The following NEGR1 variants were observed in gnomAD, a reference collection of about 807,000 sequenced individuals.
NEGR1 encodes neuronal growth regulator 1, also known as IgLON family member 4.
NEGR1 carries 10 observed loss-of-function variants against 40.9 expected under a neutral mutation model. The observed-to-expected ratio is 0.24, with a 90% CI of 0.15 to 0.42. The LOEUF (loss-of-function observed/expected upper bound fraction) is 0.42, where lower values mean the gene tolerates loss of function less well. NEGR1 is among the 10% of genes least tolerant of loss of function. The pLI is 1.00. For synonymous variants in NEGR1, 185 were observed against 166.8 expected (o/e 1.11, Z -0.84); for missense variants, 352 against 438.9 (o/e 0.80, Z 1.77).
intron 1 of NEGR1, among the ~76,000 whole-genome samples, chr1:72,172,407 A>T (rs904744033): frequency 6.6e-6 from 1 of 152,138 alleles, no homozygotes; most frequent in African/African-American, 2.4e-5. Flanking sequence ...TAAAAACTTC[A>T]TATCCAAATA....
chr1:71,731,035 T>C (rs1168142530), intron 3 of NEGR1, among the ~76,000 whole-genome samples: 2 of 152,070 alleles, frequency 1.3e-5, no homozygotes, highest in Non-Finnish European at 2.9e-5. Flanking sequence ...TTTTTGTTCC[T>C]AATAAGCATT....
intron 6 of NEGR1, among the ~76,000 whole-genome samples, chr1:71,416,404 T>C (rs1646355937): frequency 6.6e-6 from 1 of 152,220 alleles, no homozygotes; most frequent in South Asian, 2.1e-4. Context: ...TAATTAATGA[T>C]CAAGAATTTC....
intron 1 of NEGR1, among the ~76,000 whole-genome samples, chr1:72,210,276 C>A (rs1268556154): frequency 1.3e-5 from 2 of 151,850 alleles, no homozygotes; most frequent in Non-Finnish European, 1.5e-5. Context: ...AAAACCAACT[C>A]AGTGGCATAG....
intron 6 of NEGR1, among the ~76,000 whole-genome samples, chr1:71,553,986 G>T (rs1469901952): frequency 6.6e-6 from 1 of 151,406 alleles, no homozygotes; most frequent in East Asian, 1.9e-4. Flanking sequence ...TTACAGAAAA[G>T]AGTTTTTTAG....
intron 1 of NEGR1, among the ~76,000 whole-genome samples, chr1:72,074,928 G>A (rs529240366): frequency 3.9e-5 from 6 of 152,102 alleles, no homozygotes; most frequent in Admixed American, 1.3e-4. Context: ...GGTGGGAATC[G>A]TTTTCAGCAT....
chr1:72,124,428 G>C (rs1649930926), intron 1 of NEGR1, among the ~76,000 whole-genome samples: 1 of 150,958 alleles, frequency 6.6e-6, no homozygotes, highest in Admixed American at 6.6e-5. Flanking sequence ...ATTAAGACTA[G>C]GGCAGAAAAA....
chr1:71,984,410 CCA>C (rs1428684860), intron 1 of NEGR1, among the ~76,000 whole-genome samples: 1 of 152,132 alleles, frequency 6.6e-6, no homozygotes, highest in Non-Finnish European at 1.5e-5. Context: ...CAGGTATGAA[CCA>C]CTGTGCCCGG....
intron 1 of NEGR1, among the ~76,000 whole-genome samples, chr1:72,167,863 A>G (rs2100388053): frequency 6.6e-6 from 1 of 152,118 alleles, no homozygotes; most frequent in African/African-American, 2.4e-5. Flanking sequence ...GTCATTCTAC[A>G]TTTATTAGTT....
rs183573358 is a variant in NEGR1 at position 71,420,032 on chromosome 1, C to A, written c.941-12462G>T. Among the ~76,000 whole-genome samples, 1,245 of 152,144 alleles carry A rather than the reference C, an allele frequency of 8.2e-3. 11 individuals carry two copies. Among genetic ancestry groups the A allele is most frequent in the African/African-American group, 0.028 (1,162 of 41,534 alleles). On this transcript the variant is annotated intron_variant, in intron 6 of 6. Transcript: ENST00000357731. ...AAAACCATTACATCAAAACACCTTA[C>A]CTCTGGCTCATTTTTGTAGATATTG...
chr1:71,873,646 C>T (rs1269859392), intron 2 of NEGR1, among the ~76,000 whole-genome samples: 1 of 152,054 alleles, frequency 6.6e-6, no homozygotes, highest in Non-Finnish European at 1.5e-5. Context: ...TTGTTAGTAA[C>T]TTTTTCTAGT....
intron 1 of NEGR1, among the ~76,000 whole-genome samples, chr1:72,037,753 G>C (rs2100450578): frequency 6.6e-6 from 1 of 152,106 alleles, no homozygotes; most frequent in Middle Eastern, 3.4e-3. Flanking sequence ...CATTAGGTGT[G>C]ACAAATATTT....
intron 2 of NEGR1, among the ~76,000 whole-genome samples, chr1:71,824,337 G>C (rs778799712): frequency 2.0e-5 from 3 of 151,184 alleles, no homozygotes; most frequent in Non-Finnish European, 4.4e-5. Flanking sequence ...TAAATACATT[G>C]TGAAGGAGAG....
intron 1 of NEGR1, among the ~76,000 whole-genome samples, chr1:72,123,289 G>C (rs895398440): frequency 1.3e-5 from 2 of 151,646 alleles, no homozygotes; most frequent in Admixed American, 1.3e-4. Context: ...TAAATGTATA[G>C]TAGATAATCT....
intron 4 of NEGR1, among the ~76,000 whole-genome samples, chr1:71,669,313 A>G (rs552908190): frequency 6.6e-6 from 1 of 152,076 alleles, no homozygotes; most frequent in South Asian, 2.1e-4. Flanking sequence ...TATATATTCT[A>G]TTTACTTTTA....
intron 6 of NEGR1, among the ~76,000 whole-genome samples, chr1:71,484,995 A>C (rs866156841): frequency 6.6e-6 from 1 of 151,772 alleles, no homozygotes; most frequent in Non-Finnish European, 1.5e-5. Context: ...TTTGAAGATG[A>C]TAATTTGAGG....
At chr1:71,562,751 A>G (rs1437805068) in intron 6 of NEGR1, among the ~76,000 whole-genome samples, 1 of 151,988 alleles carries the variant, frequency 6.6e-6, no homozygotes, top group Non-Finnish European at 1.5e-5. Context: ...TTATTCTGTT[A>G]TAACAGTCAA....
intron 6 of NEGR1, among the ~76,000 whole-genome samples, chr1:71,409,982 G>A (rs892555591): frequency 6.6e-6 from 1 of 151,954 alleles, no homozygotes. Context: ...AGATATGTAT[G>A]ATCCTTTTAT....
chr1:71,971,440 A>T (rs954189819), intron 1 of NEGR1, among the ~76,000 whole-genome samples: 1 of 152,148 alleles, frequency 6.6e-6, no homozygotes, highest in Non-Finnish European at 1.5e-5. Flanking sequence ...AAATTGGTGT[A>T]CTAACATTTC....
chr1:71,536,235 T>C (rs1557558770), intron 6 of NEGR1, among the ~76,000 whole-genome samples: 1 of 151,714 alleles, frequency 6.6e-6, no homozygotes, highest in Non-Finnish European at 1.5e-5. Flanking sequence ...ATTTGTGCCA[T>C]GGCTTGCATA....
Sources: allele counts gnomAD v4.1 joint callset (sites outside exome capture counted in the v4.1 genomes callset), GRCh38; gene constraint gnomAD v4.1.1; transcripts MANE v1.5; gene names NCBI Gene and HGNC (gene_info 2026-07-23, HGNC 2026-07-21).